Variants in TCEA1 observed in about 807,000 individuals in gnomAD.
TCEA1 encodes the protein transcription elongation factor A protein 1.
TCEA1 carries 21 observed loss-of-function variants against 43.8 expected under a neutral mutation model. The observed-to-expected ratio is 0.48, with a 90% CI of 0.34 to 0.69. The LOEUF is 0.69. Among genes scored for constraint, TCEA1 ranks in the 30% least tolerant of loss-of-function variants. The probability of loss-of-function intolerance (pLI) is 0.01; values close to 1 mark genes in which losing one functional copy is unlikely to be tolerated. For missense variants in TCEA1, 250 were observed against 365.1 expected (o/e 0.68, Z 2.57); for synonymous variants, 104 against 117.5 (o/e 0.88, Z 0.75).
intron 3 of TCEA1, among the ~76,000 whole-genome samples, chr8:53,995,080 C>A (rs1207329499): frequency 1.3e-5 from 2 of 151,950 alleles, no homozygotes; most frequent in African/African-American, 4.8e-5. Context: ...GCAGGTGGAT[C>A]ACTTGAGGTC....
intron 3 of TCEA1, among the ~76,000 whole-genome samples, chr8:53,996,903 CTTTT>C (rs754537318): frequency 3.1e-4 from 36 of 116,598 alleles, no homozygotes; most frequent in African/African-American, 1.3e-3. Context: ...AGAAGGTTGT[CTTTT>C]TTTTTTTTTT....
intron 8 of TCEA1, chr8:53,973,353 A>G: frequency 1.9e-6 from 1 of 523,924 alleles, no homozygotes; most frequent in South Asian, 1.7e-5. Flanking sequence ...CCCCTTGGGA[A>G]CAATTTTTAA....
chr8:54,012,267 A>G (rs945366335), intron 1 of TCEA1, among the ~76,000 whole-genome samples: 1 of 152,220 alleles, frequency 6.6e-6, no homozygotes, highest in African/African-American at 2.4e-5. Flanking sequence ...ACAACTGACT[A>G]CAGAAATGTT....
At position 53,995,837 on chromosome 8, in the gene TCEA1, C is replaced by T. The variant is rs545541447; in HGVS notation, c.233-2082G>A. 4.6e-5 allele frequency among the ~76,000 whole-genome samples: 7 copies of T among 152,342 alleles called. No homozygotes were observed. In the South Asian group the frequency reaches 1.4e-3, roughly 32 times the overall value. On this transcript the variant is annotated intron_variant, in intron 3 of 9. Coordinates refer to ENST00000521604, the MANE Select transcript of TCEA1 (RefSeq NM_006756.4). ...AATGGTTGAAATCACAACTGTAGAA[C>T]TCATCTTGTAAAGTTGAAGTTTGTC...
At chr8:53,968,992 C>T (rs1021561110) in intron 9 of TCEA1, among the ~76,000 whole-genome samples, 6 of 151,666 alleles carry the variant, frequency 4.0e-5, no homozygotes, top group African/African-American at 1.4e-4. Context: ...AATCTTTGTA[C>T]GTAATAAGGG....
chr8:54,015,506 G>C (rs1804793079), intron 1 of TCEA1, among the ~76,000 whole-genome samples: 1 of 152,066 alleles, frequency 6.6e-6, no homozygotes, highest in Non-Finnish European at 1.5e-5. Flanking sequence ...ATAGATATTT[G>C]AGTTGTAGCT....
At chr8:54,017,482 C>T (rs1020364235) in intron 1 of TCEA1, among the ~76,000 whole-genome samples, 1 of 152,100 alleles carries the variant, frequency 6.6e-6, no homozygotes, top group South Asian at 2.1e-4. Context: ...CTTTTCTTTT[C>T]TTTTTTGAGA....
chr8:53,971,397 G>C (rs2129298077), intron 8 of TCEA1: 1 of 152,472 alleles, frequency 6.6e-6, no homozygotes, highest in East Asian at 1.9e-4. Flanking sequence ...GATCACTTGA[G>C]GTCAGGAGTT....
intron 6 of TCEA1, among the ~76,000 whole-genome samples, chr8:53,985,639 TC>T (rs1379771749): frequency 1.3e-5 from 2 of 152,100 alleles, no homozygotes; most frequent in Non-Finnish European, 2.9e-5. Context: ...CTGGAACAGC[TC>T]CCTTCCTAAT....
In TCEA1 at chr8:53,966,800, A is replaced by G. The variant is rs1276585686; in HGVS notation, c.*1304T>C. On this transcript the variant is annotated 3_prime_UTR_variant, in exon 10 of 10. Coordinates refer to ENST00000521604, the MANE Select transcript of TCEA1 (RefSeq NM_006756.4). ...AAAATGATATGCAATAAGAAATTGG[A>G]AAAAGGGAGCAAAGGAGAGTGCAAA... 1 of 203,188 alleles carries G rather than the reference A, an allele frequency of 4.9e-6. No individual in the cohort carries two copies. Among genetic ancestry groups the G allele is most frequent in the Non-Finnish European group, 1.0e-5 (1 of 99,302 alleles). 12.6% of individuals were successfully genotyped at this position (203,188 alleles called of 1,614,324 possible).
intron 8 of TCEA1, chr8:53,972,788 T>C: frequency 1.4e-6 from 1 of 718,586 alleles, no homozygotes; most frequent in Non-Finnish European, 2.7e-6. Context: ...GTGATTCTCC[T>C]GAAACAGCCA....
intron 8 of TCEA1, among the ~76,000 whole-genome samples, chr8:53,977,738 C>T (rs1803376154): frequency 6.6e-6 from 1 of 151,792 alleles, no homozygotes; most frequent in Admixed American, 6.6e-5. Flanking sequence ...GCACATGCAA[C>T]CAAAATAACT....
At chr8:54,021,987 G>A (rs1172359908) in intron 1 of TCEA1, 76 bp downstream of exon 1, 5 of 1,348,780 alleles carry the variant, frequency 3.7e-6, no homozygotes, top group Middle Eastern at 2.7e-4. Context: ...GGAGGGAGAA[G>A]GAGGGAGGGG....
chr8:54,011,547 CTGGCCAA>C (rs1202870657), intron 1 of TCEA1, among the ~76,000 whole-genome samples: 1 of 152,240 alleles, frequency 6.6e-6, no homozygotes, highest in East Asian at 1.9e-4. Context: ...CAATGGCCAT[CTGGCCAA>C]TGATATGTGT....
chr8:53,971,888 AT>A (rs1223101111), intron 8 of TCEA1: 2 of 187,168 alleles, frequency 1.1e-5, no homozygotes, highest in African/African-American at 4.8e-5. Context: ...TTCTGAGAGA[AT>A]TAAAAAAATG....
intron 8 of TCEA1, among the ~76,000 whole-genome samples, chr8:53,976,354 C>T (rs1304151563): frequency 6.6e-6 from 1 of 152,172 alleles, no homozygotes; most frequent in Non-Finnish European, 1.5e-5. Context: ...TCCTGCTATA[C>T]TTTATATATA....
chr8:54,003,511 G>C (rs1039010128), intron 2 of TCEA1, among the ~76,000 whole-genome samples: 3 of 152,168 alleles, frequency 2.0e-5, no homozygotes, highest in African/African-American at 7.2e-5. Context: ...AGATCAATGG[G>C]ATAAATTTAA....
rs1408614361 is a variant in TCEA1 at position 53,984,965 on chromosome 8, T to C, written c.524-448A>G. Among the ~76,000 whole-genome samples the C allele has an allele frequency of 2.6e-5, 4 of 152,148 alleles. No homozygotes were observed. In the South Asian group the frequency reaches 6.2e-4, roughly 24 times the overall value. ...AGTATGTTAAAAACAAGGTACTATATCTAATTCCTTGAGCTGTAATTGGCG... is the reference window on the plus strand; with the variant it reads ...AGTATGTTAAAAACAAGGTACTATACCTAATTCCTTGAGCTGTAATTGGCG... On this transcript the variant is annotated intron_variant, in intron 6 of 9. Transcript: ENST00000521604.
At chr8:54,006,085 C>T (rs949213075) in intron 2 of TCEA1, among the ~76,000 whole-genome samples, 1 of 152,182 alleles carries the variant, frequency 6.6e-6, no homozygotes. Flanking sequence ...AGCTTTATCA[C>T]CTACATAACA....
Sources: allele counts gnomAD v4.1 joint callset (sites outside exome capture counted in the v4.1 genomes callset), GRCh38; gene constraint gnomAD v4.1.1; transcripts MANE v1.5; gene names NCBI Gene and HGNC (gene_info 2026-07-23, HGNC 2026-07-21).